The following RBMS3 variants were observed in gnomAD, a reference collection of about 807,000 sequenced individuals.
RBMS3 encodes the protein RNA-binding motif, single-stranded-interacting protein 3.
In RBMS3, 27 loss-of-function variants were observed where a neutral mutation model predicts 66.8. The observed-to-expected ratio is 0.40, with a 90% CI of 0.30 to 0.56. The LOEUF is 0.56. Ranked by LOEUF, RBMS3 falls within the 20% of genes least tolerant of loss-of-function variation. The pLI is 0.40. For missense variants in RBMS3, 513 were observed against 549.5 expected (o/e 0.93, Z 0.66); for synonymous variants, 188 against 183.0 (o/e 1.03, Z -0.22).
At chr3:29,508,220 A>G (rs1044013813) in intron 3 of RBMS3, among the ~76,000 whole-genome samples, 7 of 152,110 alleles carry the variant, frequency 4.6e-5, no homozygotes, top group Admixed American at 3.9e-4. Flanking sequence ...TAATTATTAT[A>G]CTTTAAGTTC....
At chr3:29,778,505 T>A (rs2056505348) in intron 6 of RBMS3, among the ~76,000 whole-genome samples, 2 of 151,842 alleles carry the variant, frequency 1.3e-5, no homozygotes, top group Admixed American at 1.3e-4. Context: ...TACAGATTTT[T>A]AAATTTATTT....
At chr3:29,937,260 T>A (rs2061290618) in intron 11 of RBMS3, among the ~76,000 whole-genome samples, 1 of 152,002 alleles carries the variant, frequency 6.6e-6, no homozygotes, top group African/African-American at 2.4e-5. Flanking sequence ...TCCCTTTGAA[T>A]ATTCAATTCT....
chr3:29,324,889 C>T (rs947559716), intron 1 of RBMS3, among the ~76,000 whole-genome samples: 18 of 151,858 alleles, frequency 1.2e-4, no homozygotes, highest in South Asian at 6.2e-4. Flanking sequence ...TTTCCTTTTC[C>T]CCACTGTTAT....
intron 1 of RBMS3, among the ~76,000 whole-genome samples, chr3:29,429,588 C>A (rs1173554484): frequency 6.6e-6 from 1 of 152,160 alleles, no homozygotes; most frequent in East Asian, 1.9e-4. Context: ...CCATTTCCAC[C>A]GCTTCTAAGC....
chr3:29,558,411 A>G (rs2046431417), intron 3 of RBMS3, among the ~76,000 whole-genome samples: 1 of 152,226 alleles, frequency 6.6e-6, no homozygotes, highest in Non-Finnish European at 1.5e-5. Flanking sequence ...TTAAAGGACA[A>G]TTAGACATAT....
intron 7 of RBMS3, among the ~76,000 whole-genome samples, chr3:29,877,009 G>C (rs2059624363): frequency 6.6e-6 from 1 of 152,188 alleles, no homozygotes; most frequent in African/African-American, 2.4e-5. Context: ...GGATTGGAAA[G>C]AGGTTTTGAG....
intron 2 of RBMS3, among the ~76,000 whole-genome samples, chr3:29,443,795 G>A (rs2041715861): frequency 6.6e-6 from 1 of 152,064 alleles, no homozygotes; most frequent in Non-Finnish European, 1.5e-5. Context: ...GGATGAATTT[G>A]GAATATATTT....
At chr3:29,385,356 C>T (rs1276620481) in intron 1 of RBMS3, among the ~76,000 whole-genome samples, 1 of 152,110 alleles carries the variant, frequency 6.6e-6, no homozygotes, top group African/African-American at 2.4e-5. Context: ...CAACCAATCC[C>T]TTCCCTTGGG....
intron 3 of RBMS3, among the ~76,000 whole-genome samples, chr3:29,549,059 GTTTTTTTTTTT>G (rs5847579): frequency 3.5e-5 from 3 of 85,364 alleles, no homozygotes; most frequent in African/African-American, 8.8e-5. Context: ...TCCTACTTCT[GTTTTTTTTTTT>G]TTTTTTTTTT....
At chr3:29,503,997 T>C (rs1462294847) in intron 3 of RBMS3, among the ~76,000 whole-genome samples, 1 of 152,134 alleles carries the variant, frequency 6.6e-6, no homozygotes, top group Non-Finnish European at 1.5e-5. Flanking sequence ...TTGTTTGGGC[T>C]TTGTTCTCTA....
chr3:29,716,827 G>A (rs2053419479), intron 4 of RBMS3, among the ~76,000 whole-genome samples: 1 of 152,112 alleles, frequency 6.6e-6, no homozygotes, highest in Non-Finnish European at 1.5e-5. Flanking sequence ...AATAGTCTAA[G>A]TCAGTGTATT....
chr3:29,854,165 C>A (rs1577000112), intron 6 of RBMS3, among the ~76,000 whole-genome samples: 1 of 152,318 alleles, frequency 6.6e-6, no homozygotes. Context: ...CTCCTCCCAG[C>A]TCCAGGCTGA....
chr3:29,301,571 T>A (rs1203866204), intron 1 of RBMS3, among the ~76,000 whole-genome samples: 4 of 152,016 alleles, frequency 2.6e-5, no homozygotes, highest in Non-Finnish European at 5.9e-5. Context: ...GTCTACCCAG[T>A]TTTGAGGAGT....
chr3:29,428,185 T>C (rs1012634321), intron 1 of RBMS3, among the ~76,000 whole-genome samples: 27 of 152,100 alleles, frequency 1.8e-4, no homozygotes, highest in African/African-American at 6.5e-4. Context: ...TGGATCTACT[T>C]AAAATAGTGA....
chr3:29,485,143 G>A (rs1188618759), intron 2 of RBMS3, among the ~76,000 whole-genome samples: 2 of 152,158 alleles, frequency 1.3e-5, no homozygotes, highest in African/African-American at 4.8e-5. Context: ...AGGCTTGTAT[G>A]TGGAATAATC....
chr3:29,714,690 G>C (rs1034315794), intron 4 of RBMS3, among the ~76,000 whole-genome samples: 1 of 151,966 alleles, frequency 6.6e-6, no homozygotes, highest in Non-Finnish European at 1.5e-5. Context: ...TAACATGTAA[G>C]GTAGGATTAG....
intron 1 of RBMS3, among the ~76,000 whole-genome samples, chr3:29,345,786 C>G (rs13090916): frequency 0.23 from 34,601 of 151,908 alleles, 4,105 homozygotes; most frequent in African/African-American, 0.28. Context: ...ATTGAAGTCC[C>G]GACACAGATG....
intron 1 of RBMS3, among the ~76,000 whole-genome samples, chr3:29,317,006 C>A (rs1575530732): frequency 6.6e-6 from 1 of 151,650 alleles, no homozygotes; most frequent in Non-Finnish European, 1.5e-5. Flanking sequence ...GTAGATTATT[C>A]CCTTGCTTGT....
intron 7 of RBMS3, among the ~76,000 whole-genome samples, chr3:29,883,051 C>G (rs2059773617): frequency 6.6e-6 from 1 of 150,950 alleles, no homozygotes. Flanking sequence ...GTTTTAAATT[C>G]GAAAAAAGAA....
Sources: allele counts gnomAD v4.1 joint callset (sites outside exome capture counted in the v4.1 genomes callset), GRCh38; gene constraint gnomAD v4.1.1; transcripts MANE v1.5; gene names NCBI Gene and HGNC (gene_info 2026-07-23, HGNC 2026-07-21).